HS3ST4: variants seen among roughly 807,000 people sequenced by gnomAD.
HS3ST4 encodes the protein heparan sulfate glucosamine 3-O-sulfotransferase 4.
A neutral mutation model predicts 29.2 loss-of-function variants in HS3ST4; 17 were observed. The ratio of observed to expected loss-of-function variants is 0.58; its 90% CI spans 0.40 to 0.87. The LOEUF (loss-of-function observed/expected upper bound fraction) is 0.87, where lower values mean the gene tolerates loss of function less well. Ranked by LOEUF, HS3ST4 falls within the 40% of genes least tolerant of loss-of-function variation. The pLI, the probability that HS3ST4 is intolerant of heterozygous loss-of-function variation, is 0.00. For missense variants in HS3ST4, 627 were observed against 634.5 expected (o/e 0.99, Z 0.13); for synonymous variants, 314 against 285.7 (o/e 1.10, Z -1.00).
chr16:26,136,817 C>T lies in HS3ST4; in HGVS notation c.*569C>T, dbSNP rs1276576201. On this transcript the variant is annotated 3_prime_UTR_variant, in exon 2 of 2. Coordinates refer to ENST00000331351, the MANE Select transcript of HS3ST4 (RefSeq NM_006040.3). ...CATCCCACAACCCCTGACTTCCTCC[C>T]TCCCCACATCATGAAGGCAGAGGCA... is the stretch of plus-strand genomic sequence containing the variant. 6.5e-6 allele frequency: 1 copy of T among 154,976 alleles called. No homozygotes were observed. Among genetic ancestry groups the T allele is most frequent in the Non-Finnish European group, 1.4e-5 (1 of 69,866 alleles). 9.6% of individuals were successfully genotyped at this position (154,976 alleles called of 1,614,324 possible). A position where few individuals can be genotyped will look rare whatever the true frequency, so the allele number is the denominator to read the frequency against.
intron 1 of HS3ST4, among the ~76,000 whole-genome samples, chr16:26,026,206 C>T (rs551275967): frequency 3.3e-5 from 5 of 152,266 alleles, no homozygotes; most frequent in South Asian, 2.1e-4. Context: ...CGCACCCGGC[C>T]GGAAACAACA....
chr16:25,699,928 C>G (rs1291907474), intron 1 of HS3ST4, among the ~76,000 whole-genome samples: 1 of 152,172 alleles, frequency 6.6e-6, no homozygotes, highest in Non-Finnish European at 1.5e-5. Flanking sequence ...TGTCTCTCTC[C>G]TCTTCTTTCC....
chr16:26,083,004 C>A (rs1404537733), intron 1 of HS3ST4, among the ~76,000 whole-genome samples: 3 of 152,192 alleles, frequency 2.0e-5, no homozygotes, highest in Admixed American at 1.3e-4. Flanking sequence ...TATGCAGTGC[C>A]AAGCACATAG....
chr16:25,880,113 A>C (rs1349715630), intron 1 of HS3ST4, among the ~76,000 whole-genome samples: 1 of 152,224 alleles, frequency 6.6e-6, no homozygotes, highest in African/African-American at 2.4e-5. Flanking sequence ...TAGTACAATT[A>C]TTCAAACCCA....
chr16:25,979,872 G>T (rs1968986484), intron 1 of HS3ST4, among the ~76,000 whole-genome samples: 1 of 152,114 alleles, frequency 6.6e-6, no homozygotes, highest in African/African-American at 2.4e-5. Context: ...TCAGTGAATG[G>T]TAATGCCACC....
intron 1 of HS3ST4, among the ~76,000 whole-genome samples, chr16:26,036,431 C>G (rs1008866457): frequency 1.3e-5 from 2 of 152,206 alleles, no homozygotes; most frequent in Non-Finnish European, 2.9e-5. Flanking sequence ...TTCCTGGGAT[C>G]CAGCCTTGAT....
chr16:25,804,406 A>G (rs765524439), intron 1 of HS3ST4, among the ~76,000 whole-genome samples: 6 of 152,186 alleles, frequency 3.9e-5, no homozygotes, highest in Non-Finnish European at 8.8e-5. Context: ...TTTTAATCCC[A>G]TAAGTCATTC....
At chr16:26,041,444 C>T (rs1015177955) in intron 1 of HS3ST4, among the ~76,000 whole-genome samples, 6 of 151,992 alleles carry the variant, frequency 3.9e-5, no homozygotes, top group Non-Finnish European at 8.8e-5. Context: ...CTAGGCCAAT[C>T]GATTCAGAAT....
chr16:26,086,636 A>C (rs925502542), intron 1 of HS3ST4, among the ~76,000 whole-genome samples: 1 of 152,204 alleles, frequency 6.6e-6, no homozygotes, highest in Non-Finnish European at 1.5e-5. Context: ...GGCATGAGCC[A>C]CCATGCCCAG....
chr16:26,066,054 G>A (rs547886942), intron 1 of HS3ST4, among the ~76,000 whole-genome samples: 3 of 152,306 alleles, frequency 2.0e-5, no homozygotes, highest in South Asian at 4.1e-4. Flanking sequence ...ACAGCTGCCC[G>A]TTGTATGATA....
In HS3ST4 at chr16:25,791,094, T is replaced by C. The variant is rs73513304; in HGVS notation, c.734+97943T>C. On this transcript the variant is annotated intron_variant, in intron 1 of 1. Transcript: ENST00000331351. ...GGCATGAAGTGGAGGCGAAGCATCTTTTTTTTTTCTGATGGGGTATCCATG... is the reference window on the plus strand; with the variant it reads ...GGCATGAAGTGGAGGCGAAGCATCTCTTTTTTTTCTGATGGGGTATCCATG... Among the ~76,000 whole-genome samples the C allele has an allele frequency of 4.5e-3, 679 of 150,874 alleles. 3 individuals are homozygous for C. The highest frequency in any genetic ancestry group is 0.016 in the African/African-American group (642 of 40,646).
rs570423710 is a variant in HS3ST4 at position 26,000,046 on chromosome 16, A to G, written c.735-135566A>G. Among the ~76,000 whole-genome samples the G allele has an allele frequency of 1.2e-3, 185 of 151,558 alleles. 1 individual carries two copies. Among genetic ancestry groups the G allele is most frequent in the African/African-American group, 4.5e-3 (184 of 41,348 alleles). On this transcript the variant is annotated intron_variant, in intron 1 of 1. Coordinates refer to ENST00000331351, the MANE Select transcript of HS3ST4 (RefSeq NM_006040.3). ...ATGTTGAAAAGTAATTATCTGTATT[A>G]TTGCCCAATCTGTTATCATGCTGAG...
intron 1 of HS3ST4, among the ~76,000 whole-genome samples, chr16:26,104,700 A>G (rs1422619604): frequency 6.6e-6 from 1 of 152,228 alleles, no homozygotes; most frequent in Non-Finnish European, 1.5e-5. Flanking sequence ...TCCAACTTGG[A>G]TGTCTCAAAA....
At chr16:26,119,949 T>C (rs944637439) in intron 1 of HS3ST4, among the ~76,000 whole-genome samples, 1 of 151,902 alleles carries the variant, frequency 6.6e-6, no homozygotes, top group East Asian at 1.9e-4. Context: ...AAGAGAACGT[T>C]TTTAGGTGGG....
intron 1 of HS3ST4, among the ~76,000 whole-genome samples, chr16:25,721,949 G>C (rs750293885): frequency 6.6e-6 from 1 of 152,210 alleles, no homozygotes; most frequent in Non-Finnish European, 1.5e-5. Context: ...AGACGTAGAA[G>C]ATGTGGGGAG....
intron 1 of HS3ST4, among the ~76,000 whole-genome samples, chr16:26,121,371 G>T (rs1292415573): frequency 6.6e-6 from 1 of 152,202 alleles, no homozygotes; most frequent in Non-Finnish European, 1.5e-5. Flanking sequence ...AGTAAAGGGT[G>T]TTCCAGGAAA....
chr16:25,866,424 G>T (rs1277273069), intron 1 of HS3ST4, among the ~76,000 whole-genome samples: 1 of 152,172 alleles, frequency 6.6e-6, no homozygotes, highest in Non-Finnish European at 1.5e-5. Flanking sequence ...ATCAATGATA[G>T]ACTGGATAAA....
chr16:26,073,355 A>ATCTTTTCTTTTCTTT (rs72461132), intron 1 of HS3ST4, among the ~76,000 whole-genome samples: 1 of 80,206 alleles, frequency 1.2e-5, no homozygotes, highest in East Asian at 2.9e-4. Context: ...AAGAGTTCAG[A>ATCTTTTCTTTTCTTT]TCTTTTCTTT....
chr16:25,950,749 A>C (rs1968675826), intron 1 of HS3ST4, among the ~76,000 whole-genome samples: 1 of 152,086 alleles, frequency 6.6e-6, no homozygotes, highest in Admixed American at 6.6e-5. Context: ...CTTGCACAGC[A>C]TGTTGCATTG....
Sources: gnomAD v4.1 joint callset for allele counts (sites outside exome capture counted in the v4.1 genomes callset) on GRCh38, gnomAD v4.1.1 for gene constraint, MANE v1.5 for transcripts, NCBI Gene and HGNC (gene_info 2026-07-23, HGNC 2026-07-21) for gene names.